The following GUCY1A2 variants were observed in gnomAD, a reference collection of about 807,000 sequenced individuals.
GUCY1A2 encodes guanylate cyclase soluble subunit alpha-2.
Under a neutral mutation model 63.5 loss-of-function variants are expected in GUCY1A2, and 27 were observed. The observed-to-expected ratio is 0.43, with a 90% confidence interval of 0.31 to 0.59. GUCY1A2 has a LOEUF of 0.59. Among genes scored for constraint, GUCY1A2 ranks in the 20% least tolerant of loss-of-function variants. GUCY1A2 has a pLI of 0.11. For missense variants in GUCY1A2, 768 were observed against 913.3 expected, an observed-to-expected ratio of 0.84 and a Z score of 2.05; for synonymous variants, 364 against 343.5, an observed-to-expected ratio of 1.06 and a Z score of -0.66.
intron 4 of GUCY1A2, among the ~76,000 whole-genome samples, chr11:106,813,308 C>T (rs1343618767): frequency 6.6e-6 from 1 of 151,930 alleles, no homozygotes; most frequent in African/African-American, 2.4e-5. Context: ...AAATATCATA[C>T]TATCACAAAC....
chr11:106,872,197 G>T (rs1047859778), intron 4 of GUCY1A2, among the ~76,000 whole-genome samples: 12 of 152,136 alleles, frequency 7.9e-5, no homozygotes, highest in Admixed American at 6.6e-4. Flanking sequence ...TGTAACATAG[G>T]AATCATCTGC....
At position 106,686,320 on chromosome 11, in the gene GUCY1A2, C is replaced by G. The variant is rs1862525483; in HGVS notation, c.*1229G>C. 4.6e-6 allele frequency: 1 copy of G among 219,672 alleles called. No individual in the cohort carries two copies. Among genetic ancestry groups the G allele is most frequent in the Non-Finnish European group, 9.1e-6 (1 of 109,484 alleles). The allele number at this position is 219,672 out of a possible 1,614,324, so 13.6% of individuals were successfully genotyped here. A position where few individuals can be genotyped will look rare whatever the true frequency, so the allele number is the denominator to read the frequency against. ...TGATTACTAGTTCTGAAGATTATAC[C>G]TACTTCAGTATTCATGAAAGTGATT... On this transcript the variant is annotated 3_prime_UTR_variant, in exon 8 of 8. Coordinates refer to ENST00000526355, the MANE Select transcript of GUCY1A2 (RefSeq NM_000855.3).
intron 7 of GUCY1A2, among the ~76,000 whole-genome samples, chr11:106,701,941 G>C (rs1240339139): frequency 1.3e-5 from 2 of 148,336 alleles, no homozygotes; most frequent in African/African-American, 2.6e-5. Context: ...AGTAATTATT[G>C]TTTTTTTCCA....
chr11:106,760,117 C>A (rs1022359203), intron 6 of GUCY1A2, among the ~76,000 whole-genome samples: 1 of 152,136 alleles, frequency 6.6e-6, no homozygotes, highest in Non-Finnish European at 1.5e-5. Flanking sequence ...ACGGCCAACA[C>A]GTTGATCTCG....
At chr11:106,876,458 T>C (rs1859750530) in intron 4 of GUCY1A2, among the ~76,000 whole-genome samples, 1 of 152,130 alleles carries the variant, frequency 6.6e-6, no homozygotes, top group Admixed American at 6.6e-5. Context: ...AAATGCATTG[T>C]ATCCAACATA....
intron 3 of GUCY1A2, among the ~76,000 whole-genome samples, chr11:106,953,095 C>A (rs1019907820): frequency 1.3e-5 from 2 of 152,140 alleles, no homozygotes; most frequent in African/African-American, 2.4e-5. Flanking sequence ...AGAGGGCATC[C>A]TTGTCTTGTA....
At chr11:106,908,736 G>A (rs921667914) in intron 4 of GUCY1A2, among the ~76,000 whole-genome samples, 10 of 151,974 alleles carry the variant, frequency 6.6e-5, no homozygotes, top group African/African-American at 2.2e-4. Context: ...TGACCAAGAG[G>A]ATATAAATAG....
chr11:106,774,278 C>G (rs1355664608), intron 6 of GUCY1A2, among the ~76,000 whole-genome samples: 6 of 151,872 alleles, frequency 4.0e-5, no homozygotes, highest in African/African-American at 1.2e-4. Context: ...ATTACAGACG[C>G]CCGCCACCAC....
intron 4 of GUCY1A2, among the ~76,000 whole-genome samples, chr11:106,841,661 A>G (rs1859200110): frequency 6.6e-6 from 1 of 151,974 alleles, no homozygotes; most frequent in East Asian, 1.9e-4. Flanking sequence ...CTAGATAAAT[A>G]CAGATTAACA....
chr11:106,848,198 T>C (rs1859303160), intron 4 of GUCY1A2, among the ~76,000 whole-genome samples: 1 of 150,790 alleles, frequency 6.6e-6, no homozygotes, highest in Non-Finnish European at 1.5e-5. Flanking sequence ...ATTTTTGCAA[T>C]TAGAGCTATA....
chr11:106,912,314 AT>A (rs1458723956), intron 4 of GUCY1A2, among the ~76,000 whole-genome samples: 3 of 152,050 alleles, frequency 2.0e-5, no homozygotes, highest in Non-Finnish European at 2.9e-5. Flanking sequence ...CTTAAAAAAT[AT>A]TTCAAAATAC....
intron 4 of GUCY1A2, among the ~76,000 whole-genome samples, chr11:106,819,184 G>T (rs1364627803): frequency 6.6e-6 from 1 of 152,102 alleles, no homozygotes; most frequent in Non-Finnish European, 1.5e-5. Flanking sequence ...TTACAGATGG[G>T]CAAAGAAAGT....
intron 3 of GUCY1A2, among the ~76,000 whole-genome samples, chr11:106,957,096 G>T (rs1454202555): frequency 3.3e-5 from 5 of 152,196 alleles, no homozygotes; most frequent in African/African-American, 9.6e-5. Flanking sequence ...GGGCTGTGGG[G>T]ACAAGTCTTG....
chr11:107,005,226 A>C (rs1006940883), intron 1 of GUCY1A2, among the ~76,000 whole-genome samples: 14 of 152,356 alleles, frequency 9.2e-5, no homozygotes, highest in Middle Eastern at 3.4e-3. Context: ...AGAGGGGCAG[A>C]CAATAGCTGC....
intron 4 of GUCY1A2, among the ~76,000 whole-genome samples, chr11:106,889,118 C>T (rs1859941201): frequency 6.6e-6 from 1 of 152,126 alleles, no homozygotes; most frequent in South Asian, 2.1e-4. Context: ...CTTTTCGTTG[C>T]CATGCCTCCA....
intron 4 of GUCY1A2, among the ~76,000 whole-genome samples, chr11:106,931,464 T>C (rs1860601051): frequency 1.3e-5 from 2 of 152,210 alleles, no homozygotes; most frequent in Admixed American, 1.3e-4. Flanking sequence ...ATTAAACATG[T>C]ACTTACTATA....
chr11:106,894,141 G>T (rs1354918863), intron 4 of GUCY1A2, among the ~76,000 whole-genome samples: 1 of 152,058 alleles, frequency 6.6e-6, no homozygotes, highest in Non-Finnish European at 1.5e-5. Flanking sequence ...CTAGCCTTCC[G>T]CATGGAGGAA....
intron 4 of GUCY1A2, among the ~76,000 whole-genome samples, chr11:106,813,301 TATC>T (rs1207559204): frequency 2.0e-5 from 3 of 152,012 alleles, no homozygotes; most frequent in Non-Finnish European, 4.4e-5. Context: ...AAGGGTTAAA[TATC>T]ATACTATCAC....
At chr11:106,706,515 C>A (rs1050267086) in intron 7 of GUCY1A2, among the ~76,000 whole-genome samples, 6 of 150,510 alleles carry the variant, frequency 4.0e-5, no homozygotes, top group Non-Finnish European at 7.4e-5. Context: ...GAGTCACCAC[C>A]AAAATGCACA....
Sources: gnomAD v4.1 joint callset for allele counts (sites outside exome capture counted in the v4.1 genomes callset) on GRCh38, gnomAD v4.1.1 for gene constraint, MANE v1.5 for transcripts, NCBI Gene and HGNC (gene_info 2026-07-23, HGNC 2026-07-21) for gene names.